Variants in RAF1 observed in about 807,000 individuals in gnomAD.
RAF1 encodes the protein Raf-1 proto-oncogene, serine/threonine kinase.
A neutral mutation model predicts 81.1 loss-of-function variants in RAF1; 27 were observed. That is an observed-to-expected ratio of 0.33 (90% CI 0.25 to 0.46). The LOEUF is 0.46. Ranked by LOEUF, RAF1 falls within the 20% of genes least tolerant of loss-of-function variation. The pLI, the probability that RAF1 is intolerant of heterozygous loss-of-function variation, is 1.00. For missense variants in RAF1, 598 were observed against 826.0 expected (o/e 0.72, Z 3.38); for synonymous variants, 298 against 294.0 (o/e 1.01, Z -0.14).
intron 1 of RAF1, among the ~76,000 whole-genome samples, chr3:12,641,755 G>A (rs2060193801): frequency 6.6e-6 from 1 of 152,056 alleles, no homozygotes; most frequent in Non-Finnish European, 1.5e-5. Flanking sequence ...GCCTCCCAAA[G>A]TGCTGGGATT....
chr3:12,626,244 CAAAAA>C (rs201895405), intron 1 of RAF1, among the ~76,000 whole-genome samples: 1 of 104,242 alleles, frequency 9.6e-6, no homozygotes, highest in Non-Finnish European at 1.9e-5. Context: ...AACTCTGTCT[CAAAAA>C]AAAAAAAAAA....
In RAF1 at chr3:12,584,011, A is replaced by C. The variant is rs747744578; in HGVS notation, c.*503T>G. On this transcript the variant is annotated 3_prime_UTR_variant, in exon 18 of 18. Coordinates refer to ENST00000442415, the MANE Select transcript of RAF1 (RefSeq NM_001354689.3). Reference sequence around the variant, plus strand: ...CCAAAGCAGGCTCCTTCGGGCGGCCAGAGTCTCGGCAGTCCTGGGCTGTTT... The same window carrying C: ...CCAAAGCAGGCTCCTTCGGGCGGCCCGAGTCTCGGCAGTCCTGGGCTGTTT... The C allele has an allele frequency of 7.9e-6, 2 of 252,120 alleles. No individual in the cohort carries two copies. Among genetic ancestry groups the C allele is most frequent in the Non-Finnish European group, 1.6e-5 (2 of 127,794 alleles). The allele number at this position is 252,120 out of a possible 1,614,324, so 15.6% of individuals were successfully genotyped here. A position where few individuals can be genotyped will look rare whatever the true frequency, so the allele number is the denominator to read the frequency against.
At position 12,598,009 on chromosome 3, in the gene RAF1, C is replaced by CT. The variant is rs1559417126; in HGVS notation, c.1168+1681_1168+1682insA. ...TACATACTAGATGCAATTTTCTTTTCCTTTTTTTTTTTTTTTCTGAGACAG... is the reference window on the plus strand; with the variant it reads ...TACATACTAGATGCAATTTTCTTTTCTCTTTTTTTTTTTTTTTCTGAGACAG... On this transcript the variant is annotated intron_variant, in intron 11 of 17. Coordinates refer to ENST00000442415, the MANE Select transcript of RAF1 (RefSeq NM_001354689.3). 6.8e-3 allele frequency among the ~76,000 whole-genome samples: 371 copies of CT among 54,338 alleles called. 6 individuals are homozygous for CT. The highest frequency in any genetic ancestry group is 0.024 in the African/African-American group (337 of 14,122). 35.6% of individuals were successfully genotyped at this position (54,338 alleles called of 152,430 possible). A position where few individuals can be genotyped will look rare whatever the true frequency, so the allele number is the denominator to read the frequency against.
chr3:12,591,906 C>CA (rs1158264532), intron 11 of RAF1, 114 bp from the exon 11 acceptor site: 1 of 836,812 alleles, frequency 1.2e-6, no homozygotes, highest in Non-Finnish European at 2.0e-6. Context: ...CATACCTACA[C>CA]AGATACGGCA....
At chr3:12,605,580 A>G (rs999599373) in intron 6 of RAF1, among the ~76,000 whole-genome samples, 9 of 152,130 alleles carry the variant, frequency 5.9e-5, no homozygotes, top group Non-Finnish European at 2.9e-5. Flanking sequence ...GCCTGGCCTA[A>G]AGTAAGATAT....
rs766387510 is a variant in RAF1, at chr3:12,584,471, T to C, written c.*43A>G. 1.8e-5 allele frequency: 29 copies of C among 1,613,556 alleles called. No individual in the cohort carries two copies. Among genetic ancestry groups the C allele is most frequent in the Non-Finnish European group, 2.2e-5 (26 of 1,179,728 alleles). ...GAGCAGAAAAGTGGTGCCTGCTGGCTTCTCCTCCTCCCCTGGCAGCCTGAA... is the reference window on the plus strand; with the variant it reads ...GAGCAGAAAAGTGGTGCCTGCTGGCCTCTCCTCCTCCCCTGGCAGCCTGAA... On this transcript the variant is annotated 3_prime_UTR_variant, in exon 18 of 18. Transcript: ENST00000442415.
At chr3:12,635,591 G>A (rs1432547807) in intron 1 of RAF1, among the ~76,000 whole-genome samples, 2 of 139,508 alleles carry the variant, frequency 1.4e-5, no homozygotes, top group Admixed American at 7.8e-5. Flanking sequence ...AGCCGAGATC[G>A]TGCCATTGCA....
At chr3:12,649,962 T>A (rs188768353) in intron 1 of RAF1, among the ~76,000 whole-genome samples, 1 of 151,602 alleles carries the variant, frequency 6.6e-6, no homozygotes, top group Non-Finnish European at 1.5e-5. Context: ...CTGGCCAACA[T>A]AGTGAAACCC....
chr3:12,590,517 G>A, intron 13 of RAF1: 3 of 437,604 alleles, frequency 6.9e-6, no homozygotes, highest in South Asian at 6.6e-5. Context: ...TAGAAACAGG[G>A]TTTTGCCATA....
At chr3:12,604,087 C>T (rs765430391) in intron 7 of RAF1, 49 bp downstream of exon 7, 1 of 1,606,286 alleles carries the variant, frequency 6.2e-7, no homozygotes, top group Non-Finnish European at 8.5e-7. Context: ...AAGTATCAAC[C>T]TCACCCCATT....
intron 1 of RAF1, among the ~76,000 whole-genome samples, chr3:12,645,874 T>A (rs1304093893): frequency 1.3e-5 from 2 of 152,100 alleles, no homozygotes; most frequent in African/African-American, 4.8e-5. Context: ...TGTGCCTGGC[T>A]TATTACATTA....
chr3:12,595,296 T>TG (rs2058651784), intron 11 of RAF1, among the ~76,000 whole-genome samples: 1 of 151,908 alleles, frequency 6.6e-6, no homozygotes. Flanking sequence ...GGTCTCAAAT[T>TG]CCTGACTTCA....
chr3:12,646,067 C>T (rs1362194865), intron 1 of RAF1, among the ~76,000 whole-genome samples: 1 of 152,154 alleles, frequency 6.6e-6, no homozygotes, highest in Non-Finnish European at 1.5e-5. Context: ...CAGTCATATT[C>T]TTAATGCTTT....
At chr3:12,645,097 CAAAAA>C (rs11401342) in intron 1 of RAF1, among the ~76,000 whole-genome samples, 2 of 65,058 alleles carry the variant, frequency 3.1e-5, no homozygotes. Flanking sequence ...GACTCAGTCT[CAAAAA>C]AAAAAAAAAA....
At chr3:12,592,745 T>C (rs1288695656) in intron 11 of RAF1, among the ~76,000 whole-genome samples, 1 of 148,462 alleles carries the variant, frequency 6.7e-6, no homozygotes, top group African/African-American at 2.5e-5. Flanking sequence ...TTTTTTTTTT[T>C]TTTTTTTTGA....
chr3:12,611,893 T>G lies in RAF1; in HGVS notation c.320+57A>C, dbSNP rs946885344. 3 of 1,207,586 alleles carry G rather than the reference T, an allele frequency of 2.5e-6. No individual in the cohort carries two copies. In the East Asian group the frequency reaches 7.0e-5, roughly 28 times the overall value. 74.8% of individuals were successfully genotyped at this position (1,207,586 alleles called of 1,614,324 possible). A position where few individuals can be genotyped will look rare whatever the true frequency, so the allele number is the denominator to read the frequency against. On this transcript the variant is annotated intron_variant, in intron 3 of 17. Transcript: ENST00000442415. The stretch of plus-strand genomic sequence containing the variant: ...TACAATTTAATACAAACATAGCTAT[T>G]TGAAGCTAGAAGATCCTTACTAGTC...
chr3:12,611,542 T>C (rs757711126), intron 3 of RAF1, among the ~76,000 whole-genome samples: 8 of 152,112 alleles, frequency 5.3e-5, no homozygotes, highest in Admixed American at 3.3e-4. Context: ...CTACTAAAAA[T>C]ACAAAAAATT....
At chr3:12,642,419 G>A (rs1396634489) in intron 1 of RAF1, among the ~76,000 whole-genome samples, 1 of 151,364 alleles carries the variant, frequency 6.6e-6, no homozygotes, top group Non-Finnish European at 1.5e-5. Flanking sequence ...TGAGGCAGGA[G>A]GAGAATGGAG....
intron 8 of RAF1, among the ~76,000 whole-genome samples, chr3:12,601,635 C>T (rs992579169): frequency 6.6e-6 from 1 of 151,986 alleles, no homozygotes; most frequent in Admixed American, 6.6e-5. Flanking sequence ...TACTAGAATG[C>T]TCCCACTCAA....
Sources: allele counts gnomAD v4.1 joint callset (sites outside exome capture counted in the v4.1 genomes callset), GRCh38; gene constraint gnomAD v4.1.1; transcripts MANE v1.5; gene names NCBI Gene and HGNC (gene_info 2026-07-23, HGNC 2026-07-21).